Variants in CDK13 observed in about 807,000 individuals in gnomAD.
The protein encoded by CDK13 is cyclin dependent kinase 13.
Under a neutral mutation model 137.6 loss-of-function variants are expected in CDK13, and 40 were observed. The observed-to-expected ratio is 0.29, with a 90% CI of 0.23 to 0.38. The LOEUF (loss-of-function observed/expected upper bound fraction) is 0.38, where lower values mean the gene tolerates loss of function less well. Among genes scored for constraint, CDK13 ranks in the 10% least tolerant of loss-of-function variants. The pLI, the probability that CDK13 is intolerant of heterozygous loss-of-function variation, is 1.00. For synonymous variants in CDK13, 869 were observed against 760.1 expected (o/e 1.14, Z -2.36); for missense variants, 1,704 against 1,951.8 (o/e 0.87, Z 2.39).
intron 1 of CDK13, among the ~76,000 whole-genome samples, chr7:39,969,637 G>C (rs2116179631): frequency 6.6e-6 from 1 of 152,140 alleles, no homozygotes; most frequent in South Asian, 2.1e-4. Flanking sequence ...GTAGAGTATG[G>C]GATTCCAGAT....
intron 1 of CDK13, among the ~76,000 whole-genome samples, chr7:39,983,810 C>G (rs1282631117): frequency 6.6e-6 from 1 of 152,154 alleles, no homozygotes; most frequent in Non-Finnish European, 1.5e-5. Flanking sequence ...TGTTATGACA[C>G]TTTTGGTTCC....
chr7:39,975,756 C>G (rs1165708209), intron 1 of CDK13, among the ~76,000 whole-genome samples: 2 of 152,114 alleles, frequency 1.3e-5, no homozygotes, highest in Admixed American at 6.5e-5. Flanking sequence ...ACCAGCATGG[C>G]TGGAGTCTGG....
intron 1 of CDK13, chr7:39,952,461 T>G (rs1039340591): frequency 6.6e-6 from 1 of 152,212 alleles, no homozygotes; most frequent in Non-Finnish European, 1.5e-5. Flanking sequence ...AGGTATCTAT[T>G]TAGTGATATT....
chr7:40,066,084 G>A (rs139661745), intron 9 of CDK13, among the ~76,000 whole-genome samples: 3 of 152,274 alleles, frequency 2.0e-5, no homozygotes, highest in East Asian at 1.9e-4. Context: ...GGGTGAGCAT[G>A]TGGTCCGTAC....
intron 12 of CDK13, chr7:40,092,235 A>G (rs1220225564): frequency 6.6e-6 from 1 of 152,500 alleles, no homozygotes; most frequent in Admixed American, 6.5e-5. Flanking sequence ...TAGAGAAAGT[A>G]CGGTGTAGTT....
intron 11 of CDK13, among the ~76,000 whole-genome samples, chr7:40,087,049 C>T (rs976173298): frequency 6.6e-6 from 1 of 151,982 alleles, no homozygotes; most frequent in African/African-American, 2.4e-5. Context: ...GTGATCCACC[C>T]ACCTTAGCCT....
At chr7:40,088,466 G>T (rs1035058804) in intron 12 of CDK13, 135 bp downstream of exon 12, 5 of 708,952 alleles carry the variant, frequency 7.1e-6, no homozygotes, top group East Asian at 2.7e-5. Flanking sequence ...ACATTTCTTT[G>T]TGCCAGTACA....
intron 1 of CDK13, chr7:39,986,932 C>CGT (rs1216527565): frequency 1.5e-4 from 23 of 152,140 alleles, no homozygotes; most frequent in Admixed American, 1.5e-3. Flanking sequence ...GGACTACAGG[C>CGT]GTGTGCCACC....
intron 9 of CDK13, chr7:40,067,492 C>CCT (rs771079076): frequency 6.6e-6 from 1 of 152,122 alleles, no homozygotes; most frequent in Non-Finnish European, 1.5e-5. Context: ...TGCAGTCAGC[C>CCT]AAGATCGCAC....
intron 1 of CDK13, among the ~76,000 whole-genome samples, chr7:39,976,323 T>TCTCTCACGCACACACACACACA: frequency 2.5e-5 from 1 of 39,550 alleles, no homozygotes; most frequent in Non-Finnish European, 5.8e-5. Context: ...TCTCTCTCTC[T>TCTCTCACGCACACACACACACA]CACACACACA....
chr7:40,064,453 A>G (rs2150527835), intron 9 of CDK13, among the ~76,000 whole-genome samples: 1 of 152,304 alleles, frequency 6.6e-6, no homozygotes, highest in African/African-American at 2.4e-5. Flanking sequence ...ACTGAACAAA[A>G]TGAACATAAA....
intron 6 of CDK13, 125 bp downstream of exon 6, chr7:40,046,150 T>G: frequency 1.6e-6 from 1 of 621,054 alleles, no homozygotes; most frequent in Non-Finnish European, 2.8e-6. Flanking sequence ...AGTTACCTAT[T>G]AGGTACAGTG....
intron 5 of CDK13, among the ~76,000 whole-genome samples, chr7:40,035,863 C>T (rs1785471243): frequency 6.7e-6 from 1 of 148,492 alleles, no homozygotes; most frequent in Non-Finnish European, 1.5e-5. Context: ...TTGGGAATCG[C>T]TGCTTTAAAC....
chr7:40,055,902 G>A (rs1786010531), intron 7 of CDK13, among the ~76,000 whole-genome samples: 1 of 151,998 alleles, frequency 6.6e-6, no homozygotes, highest in South Asian at 2.1e-4. Flanking sequence ...TTATTTGTCT[G>A]TCTTTGGATA....
chr7:40,064,658 C>T (rs1786236857), intron 9 of CDK13, among the ~76,000 whole-genome samples: 1 of 151,994 alleles, frequency 6.6e-6, no homozygotes, highest in African/African-American at 2.4e-5. Context: ...TCAGAAGTAC[C>T]CGAAGCCAGA....
chr7:39,950,851 AGCCGCCGCCGCCGCG>A lies in CDK13; in HGVS notation c.214_228del (p.Ala72_Ala76del). 1.5e-6 allele frequency: 2 copies of A among 1,370,666 alleles called. No homozygotes were observed. The highest frequency in any genetic ancestry group is 1.9e-6 in the Non-Finnish European group (2 of 1,072,718). The allele number at this position is 1,370,666 out of a possible 1,614,324, so 84.9% of individuals were successfully genotyped here. Reference sequence around the variant, plus strand: ...CTGCTCCCGGCACGGCCGCCGCCGCAGCCGCCGCCGCCGCGGCCTCCTCCTCTTGCTTCAGCCCGG... The same window carrying A: ...CTGCTCCCGGCACGGCCGCCGCCGCAGCCTCCTCCTCTTGCTTCAGCCCGG... On this transcript the variant is annotated inframe_deletion, in exon 1 of 14. Transcript: ENST00000181839.
intron 13 of CDK13, among the ~76,000 whole-genome samples, chr7:40,093,505 A>G (rs1231493678): frequency 6.6e-6 from 1 of 152,190 alleles, no homozygotes; most frequent in African/African-American, 2.4e-5. Flanking sequence ...TTAACTCCAA[A>G]TACGAAAGGA....
At chr7:39,960,097 G>T (rs1327350461) in intron 1 of CDK13, among the ~76,000 whole-genome samples, 4 of 146,898 alleles carry the variant, frequency 2.7e-5, no homozygotes, top group Non-Finnish European at 6.0e-5. Flanking sequence ...TTTTCCAGTG[G>T]TCTTTTGGTC....
chr7:39,983,472 T>C (rs1488278073), intron 1 of CDK13, among the ~76,000 whole-genome samples: 1 of 152,236 alleles, frequency 6.6e-6, no homozygotes, highest in Non-Finnish European at 1.5e-5. Context: ...ATCTCTGTTA[T>C]TCAGATTCTG....
Sources: allele counts gnomAD v4.1 joint callset (sites outside exome capture counted in the v4.1 genomes callset), GRCh38; gene constraint gnomAD v4.1.1; transcripts MANE v1.5; gene names NCBI Gene and HGNC (gene_info 2026-07-23, HGNC 2026-07-21).